The following MYZAP variants were observed in gnomAD, a reference collection of about 807,000 sequenced individuals.
MYZAP encodes the protein myocardial zonula adherens protein.
Under a neutral mutation model 69.4 loss-of-function variants are expected in MYZAP, and 66 were observed. That is an observed-to-expected ratio of 0.95 (90% CI 0.78 to 1.17). The LOEUF is 1.17. Ranked by LOEUF, MYZAP falls within the 50% of genes most tolerant of loss-of-function variation. MYZAP has a pLI of 0.00. For missense variants in MYZAP, 611 were observed against 556.2 expected (o/e 1.10, Z -0.99); for synonymous variants, 256 against 205.9 (o/e 1.24, Z -2.09).
At chr15:57,603,268 C>G (rs77509975) in intron 1 of MYZAP, among the ~76,000 whole-genome samples, 1 of 152,070 alleles carries the variant, frequency 6.6e-6, no homozygotes, top group Non-Finnish European at 1.5e-5. Context: ...GCCTTTCCAG[C>G]TAACTGTCTT....
At chr15:57,648,051 A>G in intron 10 of MYZAP, 2 of 984,976 alleles carry the variant, frequency 2.0e-6, no homozygotes, top group Non-Finnish European at 1.2e-6. Flanking sequence ...AGTTTGAGGC[A>G]GGAGTGATTT....
intron 9 of MYZAP, among the ~76,000 whole-genome samples, chr15:57,638,280 G>A (rs2036933059): frequency 6.6e-6 from 1 of 152,192 alleles, no homozygotes; most frequent in Non-Finnish European, 1.5e-5. Flanking sequence ...GGGGTCTCTA[G>A]TGAAGGAAAA....
intron 2 of MYZAP, among the ~76,000 whole-genome samples, chr15:57,606,358 A>G (rs1474606528): frequency 3.3e-5 from 5 of 152,166 alleles, no homozygotes; most frequent in Non-Finnish European, 5.9e-5. Flanking sequence ...GAAACAGAAA[A>G]CCAAAATGTG....
chr15:57,638,675 G>T (rs1403357481), intron 9 of MYZAP, among the ~76,000 whole-genome samples: 1 of 152,190 alleles, frequency 6.6e-6, no homozygotes, highest in Non-Finnish European at 1.5e-5. Flanking sequence ...TTGTGCTGTT[G>T]TAAAACAAAA....
chr15:57,614,789 C>G (rs1232848798), intron 2 of MYZAP, among the ~76,000 whole-genome samples: 5 of 152,124 alleles, frequency 3.3e-5, no homozygotes, highest in East Asian at 1.9e-4. Context: ...AAAAAGAACT[C>G]CAATTTGGAA....
At chr15:57,629,447 G>A (rs2036364654) in intron 5 of MYZAP, among the ~76,000 whole-genome samples, 2 of 152,080 alleles carry the variant, frequency 1.3e-5, no homozygotes, top group Admixed American at 1.3e-4. Context: ...ATCCTAAGCA[G>A]TGGCAAGTGG....
Position 57,684,605 on chromosome 15 carries a change from C to T in MYZAP, c.*107C>T, listed in dbSNP as rs2039605547. The T allele has an allele frequency of 1.4e-6, 1 of 717,964 alleles. No homozygotes were observed. The highest frequency in any genetic ancestry group is 2.5e-5 in the East Asian group (1 of 39,382). The allele number at this position is 717,964 out of a possible 1,614,324, so 44.5% of individuals were successfully genotyped here. A position where few individuals can be genotyped will look rare whatever the true frequency, so the allele number is the denominator to read the frequency against. Reference sequence around the variant, plus strand: ...TTGTTTCCCCTACACACAGTGTAAGCCGGAATGGGAATCGCTGAGGCTCTG... The same window carrying T: ...TTGTTTCCCCTACACACAGTGTAAGTCGGAATGGGAATCGCTGAGGCTCTG... On this transcript the variant is annotated 3_prime_UTR_variant, in exon 13 of 13. Coordinates refer to ENST00000267853, the MANE Select transcript of MYZAP (RefSeq NM_001018100.5).
chr15:57,625,999 G>T, intron 5 of MYZAP, 107 bp downstream of exon 5: 3 of 1,001,804 alleles, frequency 3.0e-6, no homozygotes, highest in Non-Finnish European at 4.6e-6. Flanking sequence ...TCATGATTCA[G>T]AATTCTTTAA....
At position 57,591,908 on chromosome 15, in the gene MYZAP, G is replaced by C; in HGVS notation, c.-127G>C. The C allele has an allele frequency of 4.5e-6, 4 of 896,444 alleles. No homozygotes were observed. The highest frequency in any genetic ancestry group is 4.3e-6 in the Non-Finnish European group (3 of 704,760). 55.5% of individuals were successfully genotyped at this position (896,444 alleles called of 1,614,324 possible). A position where few individuals can be genotyped will look rare whatever the true frequency, so the allele number is the denominator to read the frequency against. On this transcript the variant is annotated 5_prime_UTR_variant, in exon 1 of 13. Transcript: ENST00000267853. ...CCCCCGGCCCCACCCCCGGGCCTTCGCGGTGCAGCTGAGGCTGCAAGTAGC... is the reference window on the plus strand; with the variant it reads ...CCCCCGGCCCCACCCCCGGGCCTTCCCGGTGCAGCTGAGGCTGCAAGTAGC...
At chr15:57,656,584 A>G (rs968214722) in intron 10 of MYZAP, among the ~76,000 whole-genome samples, 3 of 152,146 alleles carry the variant, frequency 2.0e-5, no homozygotes, top group Non-Finnish European at 4.4e-5. Flanking sequence ...ATGTGAGTCT[A>G]TTTATTTTAG....
chr15:57,594,307 G>T (rs941322716), intron 1 of MYZAP, among the ~76,000 whole-genome samples: 1 of 152,092 alleles, frequency 6.6e-6, no homozygotes, highest in East Asian at 1.9e-4. Context: ...GTGGAGACAG[G>T]GTTTTGTCAT....
intron 8 of MYZAP, among the ~76,000 whole-genome samples, chr15:57,635,369 G>A (rs769519353): frequency 2.6e-5 from 4 of 152,176 alleles, no homozygotes; most frequent in Non-Finnish European, 5.9e-5. Flanking sequence ...TCTACCCTCA[G>A]AGTCAGGTTG....
Position 57,592,105 on chromosome 15 carries a change from G to A in MYZAP, c.71G>A (p.Arg24Lys). 1.5e-6 allele frequency: 2 copies of A among 1,353,874 alleles called. No homozygotes were observed. Among genetic ancestry groups the A allele is most frequent in the South Asian group, 3.5e-5 (2 of 56,504 alleles). The allele number at this position is 1,353,874 out of a possible 1,614,324, so 83.9% of individuals were successfully genotyped here. A position where few individuals can be genotyped will look rare whatever the true frequency, so the allele number is the denominator to read the frequency against. Residue 24 changes from arginine (R) to lysine (K), a missense_variant, in exon 1 of 13, where the codon AGG becomes AAG. Transcript: ENST00000267853. ...GAARTPGAPSRRANVCRLRLT... is the reference protein window; with the variant it reads ...GAARTPGAPSKRANVCRLRLT... ...GCCAGGACGCCCGGGGCGCCCAGCAGGAGGGTGAGTAGCGGGGGCGGGAGC... is the reference window on the plus strand; with the variant it reads ...GCCAGGACGCCCGGGGCGCCCAGCAAGAGGGTGAGTAGCGGGGGCGGGAGC...
At chr15:57,680,485 T>TCACACACACA (rs71950892) in intron 12 of MYZAP, among the ~76,000 whole-genome samples, 6 of 142,994 alleles carry the variant, frequency 4.2e-5, no homozygotes, top group East Asian at 2.0e-4. Context: ...GTTCAGGAGT[T>TCACACACACA]CACACACACA....
chr15:57,592,218 GC>G (rs2033721755), intron 1 of MYZAP, 109 bp downstream of exon 1: 2 of 1,026,106 alleles, frequency 1.9e-6, no homozygotes, highest in Non-Finnish European at 2.5e-6. Context: ...TGGCCCCGAC[GC>G]CCCACCCTGG....
At chr15:57,600,352 G>A (rs938863859) in intron 1 of MYZAP, among the ~76,000 whole-genome samples, 5 of 152,188 alleles carry the variant, frequency 3.3e-5, no homozygotes, top group East Asian at 1.9e-4. Context: ...AGCCTCAAGC[G>A]CCTGCTGCAA....
chr15:57,614,579 G>A (rs902204126), intron 2 of MYZAP, among the ~76,000 whole-genome samples: 5 of 152,204 alleles, frequency 3.3e-5, no homozygotes, highest in Admixed American at 1.3e-4. Flanking sequence ...GCTCCTAAAG[G>A]AACAGAAGGG....
At position 57,654,475 on chromosome 15, in the gene MYZAP, G is replaced by A. The variant is rs148526371; in HGVS notation, c.1120-6975G>A. ...TCCTGTTTTACATAAGGCATTTTTC[G>A]TGTTTGTTATCCTTTGCCAGCTGGT... On this transcript the variant is annotated intron_variant, in intron 10 of 12. Coordinates refer to ENST00000267853, the MANE Select transcript of MYZAP (RefSeq NM_001018100.5). Among the ~76,000 whole-genome samples the A allele has an allele frequency of 4.6e-5, 7 of 152,080 alleles. No individual in the cohort carries two copies. In the East Asian group the frequency reaches 9.6e-4, roughly 21 times the overall value.
chr15:57,649,617 C>T (rs1328354303), intron 10 of MYZAP, among the ~76,000 whole-genome samples: 3 of 152,052 alleles, frequency 2.0e-5, no homozygotes, highest in African/African-American at 7.2e-5. Flanking sequence ...TTATCGAAAA[C>T]TATTTGGGTG....
Sources: allele counts gnomAD v4.1 joint callset (sites outside exome capture counted in the v4.1 genomes callset), GRCh38; gene constraint gnomAD v4.1.1; transcripts MANE v1.5; gene names NCBI Gene and HGNC (gene_info 2026-07-23, HGNC 2026-07-21).